CPAMD8: variants seen among roughly 807,000 people sequenced by gnomAD.
CPAMD8 encodes C3 and PZP-like alpha-2-macroglobulin domain-containing protein 8.
In CPAMD8, 146 loss-of-function variants were observed where a neutral mutation model predicts 224.7. That is an observed-to-expected ratio of 0.65 (90% CI 0.57 to 0.75). CPAMD8 has a LOEUF of 0.75. CPAMD8 is among the 30% of genes least tolerant of loss of function. The pLI is 0.00. For missense variants in CPAMD8, 2,301 were observed against 2,537.5 expected, an observed-to-expected ratio of 0.91 and a Z score of 2.00; for synonymous variants, 966 against 1,044.6, an observed-to-expected ratio of 0.92 and a Z score of 1.45.
chr19:16,994,781 A>G (rs2056073790), intron 11 of CPAMD8, among the ~76,000 whole-genome samples: 2 of 151,926 alleles, frequency 1.3e-5, no homozygotes, highest in South Asian at 4.2e-4. Context: ...TGGTCTCCCA[A>G]AGTGTGAGCC....
At position 16,927,998 on chromosome 19, in the gene CPAMD8, G is replaced by A; in HGVS notation, c.3370+11C>T. 1.3e-6 allele frequency: 2 copies of A among 1,597,342 alleles called. No homozygotes were observed. Among genetic ancestry groups the A allele is most frequent in the African/African-American group, 2.7e-5 (2 of 74,720 alleles). The stretch of plus-strand genomic sequence containing the variant: ...CTGACCTCTCCAAGCCAGGCTGTGG[G>A]ACAGACGCACCGATGATGGAGGCGG... On this transcript the variant is annotated intron_variant, in intron 25 of 41. Transcript: ENST00000443236.
chr19:16,970,253 A>AAG (rs1555779875), intron 18 of CPAMD8, among the ~76,000 whole-genome samples: 6 of 150,328 alleles, frequency 4.0e-5, no homozygotes, highest in African/African-American at 7.3e-5. Flanking sequence ...AAAAAAAAAA[A>AAG]AAAGAAAGAA....
intron 25 of CPAMD8, among the ~76,000 whole-genome samples, chr19:16,927,607 C>T (rs1416266870): frequency 6.6e-6 from 1 of 152,150 alleles, no homozygotes; most frequent in African/African-American, 2.4e-5. Flanking sequence ...CCCAGGCCTC[C>T]ATCCTGCACC....
At chr19:16,931,008 G>T (rs1050407039) in intron 23 of CPAMD8, among the ~76,000 whole-genome samples, 1 of 152,146 alleles carries the variant, frequency 6.6e-6, no homozygotes, top group African/African-American at 2.4e-5. Flanking sequence ...CGTGCCCCGA[G>T]GGCTAACTCC....
intron 35 of CPAMD8, among the ~76,000 whole-genome samples, chr19:16,901,913 C>A (rs994838688): frequency 6.6e-5 from 10 of 152,088 alleles, no homozygotes; most frequent in Non-Finnish European, 5.9e-5. Context: ...TGGACACATT[C>A]GGGCTGAGAG....
intron 14 of CPAMD8, among the ~76,000 whole-genome samples, 169 bp from the exon 15 acceptor site, chr19:16,977,709 A>G (rs1354249577): frequency 6.6e-6 from 1 of 152,118 alleles, no homozygotes; most frequent in Non-Finnish European, 1.5e-5. Flanking sequence ...TCCTCAGTCA[A>G]TGCTGACTCT....
rs147356643 is a variant in CPAMD8 at position 16,952,763 on chromosome 19, G to A, written c.2277-563C>T. On this transcript the variant is annotated intron_variant, in intron 19 of 41. Transcript: ENST00000443236. ...AAAACATTTCCCATGTTCATGGATC[G>A]GAAAGACTTGTTAAAATGTCAAAAC... 2.6e-4 allele frequency among the ~76,000 whole-genome samples: 40 copies of A among 152,244 alleles called. No homozygotes were observed. In the East Asian group the frequency reaches 7.3e-3, roughly 28 times the overall value.
chr19:17,026,118 T>G (rs528283060), intron 1 of CPAMD8, among the ~76,000 whole-genome samples: 1 of 152,280 alleles, frequency 6.6e-6, no homozygotes, highest in South Asian at 2.1e-4. Flanking sequence ...ACCAGAAGCC[T>G]GCAAGCAAAC....
chr19:16,904,358 G>A lies in CPAMD8; in HGVS notation c.4119C>T (p.Val1373=), dbSNP rs1307015012. The part of the protein sequence containing the change: ...SFSDRVSQSV[V]SAEVEMTAYA... ...AGGCTGTCATTTCCACCTCGGCCGA[G>A]ACCACTGCAATGGAAGAGGCCCACT... Residue 1373 remains valine, a synonymous_variant, in exon 32 of 42, where the codon GTC becomes GTT. Coordinates refer to ENST00000443236, the MANE Select transcript of CPAMD8 (RefSeq NM_015692.5). 1.9e-6 allele frequency: 3 copies of A among 1,613,852 alleles called. No homozygotes were observed. The highest frequency in any genetic ancestry group is 2.5e-6 in the Non-Finnish European group (3 of 1,180,026).
At chr19:16,953,693 G>C in intron 19 of CPAMD8, among the ~76,000 whole-genome samples, 1 of 145,280 alleles carries the variant, frequency 6.9e-6, no homozygotes, top group Non-Finnish European at 1.5e-5. Flanking sequence ...AGAGTAAAAA[G>C]TCAACCCAGT....
At chr19:16,939,291 T>C (rs113577329) in intron 22 of CPAMD8, among the ~76,000 whole-genome samples, 14 of 151,974 alleles carry the variant, frequency 9.2e-5, no homozygotes, top group African/African-American at 3.4e-4. Flanking sequence ...CATTGAAACT[T>C]CTGCCTCCTG....
At chr19:16,983,695 A>G (rs1285183423) in intron 13 of CPAMD8, among the ~76,000 whole-genome samples, 5 of 152,196 alleles carry the variant, frequency 3.3e-5, no homozygotes, top group African/African-American at 1.2e-4. Flanking sequence ...AAACAAGGCC[A>G]TGAGTGGGAT....
At position 17,006,984 on chromosome 19, in the gene CPAMD8, C is replaced by T. The variant is rs77502523; in HGVS notation, c.559+1521G>A. ...CAAATAGCTGCTGATACAAAGACAG[C>T]AATCAAGGGAACGAGAGGGAGTAAA... On this transcript the variant is annotated intron_variant, in intron 7 of 41. Coordinates refer to ENST00000443236, the MANE Select transcript of CPAMD8 (RefSeq NM_015692.5). Among the ~76,000 whole-genome samples the T allele has an allele frequency of 2.2e-3, 332 of 152,268 alleles. 11 individuals are homozygous for T. The East Asian group carries it at 0.058, about 27-fold the overall frequency.
rs547396856 is a variant in CPAMD8, at chr19:16,903,778, A to G, written c.4331T>C (p.Leu1444Pro). The G allele has an allele frequency of 6.2e-7, 1 of 1,614,130 alleles. No homozygotes were observed. Among genetic ancestry groups the G allele is most frequent in the East Asian group, 2.2e-5 (1 of 44,874 alleles). The change falls in exon 33 of 42, where the codon CTG becomes CCG. Residue 1444 changes from leucine (L) to proline (P), a missense_variant. Physicochemically the swap from Leu to Pro is moderately conservative, Grantham distance 98. Transcript: ENST00000443236. ...CTGGTAGTCCAGGTTGGTGGAGGCC[A>G]GGGAGACAGTGAGGTTGATGCCTCC... ...YAGGINLTVS[L>P]ASTNLDYQET...
At chr19:16,953,928 G>T (rs2054379477) in intron 19 of CPAMD8, among the ~76,000 whole-genome samples, 1 of 152,002 alleles carries the variant, frequency 6.6e-6, no homozygotes, top group Non-Finnish European at 1.5e-5. Context: ...ACAATGAGAT[G>T]CCACTTCATG....
chr19:16,899,817 G>A lies in CPAMD8; in HGVS notation c.4774-268C>T, dbSNP rs188892031. 4.1e-4 allele frequency among the ~76,000 whole-genome samples: 62 copies of A among 151,938 alleles called. No individual in the cohort carries two copies. Among genetic ancestry groups the A allele is most frequent in the African/African-American group, 1.2e-3 (48 of 41,442 alleles). On this transcript the variant is annotated intron_variant, in intron 36 of 41. Transcript: ENST00000443236. This position sits in a 1 kb window ranked among gnomAD's most constrained non-coding sequence, Gnocchi z 5.4. ...CCCCAAGCCCAGGTCAGGCTTCTCC[G>A]TGGCCAAAGAGGTGCCCGGCTGAGC... is the stretch of plus-strand genomic sequence containing the variant.
intron 11 of CPAMD8, among the ~76,000 whole-genome samples, chr19:16,995,865 ATTGACTAG>A (rs1224649109): frequency 6.6e-6 from 1 of 152,268 alleles, no homozygotes; most frequent in Admixed American, 6.5e-5. Context: ...AAATTAAAAA[ATTGACTAG>A]GTGCGGTGGC....
intron 3 of CPAMD8, among the ~76,000 whole-genome samples, chr19:17,012,921 C>A (rs866621645): frequency 1.3e-5 from 2 of 152,212 alleles, no homozygotes; most frequent in African/African-American, 4.8e-5. Context: ...ATGGCTCACA[C>A]CTGTAATCCC....
intron 27 of CPAMD8, among the ~76,000 whole-genome samples, chr19:16,920,754 G>A (rs1004739300): frequency 2.0e-4 from 31 of 151,658 alleles, no homozygotes; most frequent in African/African-American, 7.5e-4. Flanking sequence ...TACTCAGGAG[G>A]CTGAGGCAGG....
Sources: gnomAD v4.1 joint callset for allele counts (sites outside exome capture counted in the v4.1 genomes callset) on GRCh38, gnomAD v4.1.1 for gene constraint, Gnocchi (gnomAD v3.1) non-coding constraint, MANE v1.5 for transcripts, NCBI Gene and HGNC (gene_info 2026-07-23, HGNC 2026-07-21) for gene names.